MGAT5: variants seen among roughly 807,000 people sequenced by gnomAD.
MGAT5 encodes the protein alpha-1,6-mannosylglycoprotein 6-beta-N-acetylglucosaminyltransferase A.
In MGAT5, 30 loss-of-function variants were observed where a neutral mutation model predicts 94.3. The observed-to-expected ratio is 0.32, with a 90% CI of 0.24 to 0.43. The LOEUF (loss-of-function observed/expected upper bound fraction) is 0.43, where lower values mean the gene tolerates loss of function less well. Among genes scored for constraint, MGAT5 ranks in the 20% least tolerant of loss-of-function variants. The pLI is 1.00. For synonymous variants in MGAT5, 310 were observed against 322.9 expected (o/e 0.96, Z 0.43); for missense variants, 691 against 905.5 (o/e 0.76, Z 3.04).
intron 8 of MGAT5, 45 bp from the exon 9 acceptor site, chr2:134,349,760 T>C (rs1679252954): frequency 6.2e-7 from 1 of 1,603,236 alleles, no homozygotes. Flanking sequence ...TTTTCAACTT[T>C]GGGGGCAAGT....
chr2:134,402,997 A>T lies in MGAT5; in HGVS notation c.1390A>T (p.Ile464Phe), dbSNP rs1300513978. ...TTGTTTTCTTCTTTAGAATAAGAAG[A>T]TCTACTTGGACATTATTCACACATA... is the stretch of plus-strand genomic sequence containing the variant. ...KVDSFWKNKK[I>F]YLDIIHTYME... The change falls in exon 11 of 16, where the codon ATC becomes TTC. Residue 464 changes from isoleucine to phenylalanine, a missense_variant. Physicochemically the swap from Ile to Phe is conservative, Grantham distance 21 (BLOSUM62 0). Around this residue, in one of 4 missense-constraint regions of MGAT5, gnomAD observed 260 missense variants for 347.0 expected, o/e 0.75. Coordinates refer to ENST00000281923, the MANE Select transcript of MGAT5 (RefSeq NM_002410.5). 1 of 1,589,998 alleles carries T rather than the reference A, an allele frequency of 6.3e-7. No individual in the cohort carries two copies. The highest frequency in any genetic ancestry group is 1.2e-5 in the South Asian group (1 of 86,178).
At chr2:134,371,222 G>C (rs1048444409) in intron 10 of MGAT5, among the ~76,000 whole-genome samples, 1 of 152,178 alleles carries the variant, frequency 6.6e-6, no homozygotes, top group Non-Finnish European at 1.5e-5. Flanking sequence ...GAAGTCATTT[G>C]CCCTCTGGGT....
chr2:134,238,627 A>G (rs1287039306), intron 1 of MGAT5, among the ~76,000 whole-genome samples: 1 of 152,254 alleles, frequency 6.6e-6, no homozygotes, highest in Non-Finnish European at 1.5e-5. Flanking sequence ...GTTCTGAGAT[A>G]TATAAGGCTG....
intron 12 of MGAT5, among the ~76,000 whole-genome samples, chr2:134,421,324 C>T (rs1301670062): frequency 6.6e-6 from 1 of 152,162 alleles, no homozygotes; most frequent in East Asian, 1.9e-4. Context: ...GTGGTTCATG[C>T]CTGTAATCCT....
Position 134,334,496 on chromosome 2 carries a change from C to CTTTTTTTTTTTTTTTTTT in MGAT5, c.574-1715_574-1698dup, listed in dbSNP as rs59933611. 3.5e-4 allele frequency among the ~76,000 whole-genome samples: 12 copies of CTTTTTTTTTTTTTTTTTT among 34,108 alleles called. 4 individuals carry two copies. Among genetic ancestry groups the CTTTTTTTTTTTTTTTTTT allele is most frequent in the African/African-American group, 1.5e-3 (12 of 8,264 alleles). The allele number at this position is 34,108 out of a possible 152,430, so 22.4% of individuals were successfully genotyped here. ...CAAATCTCTACTTTCCTTGCTCATCCTTTTTTTTTTTTTTTTTTTTTTTGC... is the reference window on the plus strand; with the variant it reads ...CAAATCTCTACTTTCCTTGCTCATCCTTTTTTTTTTTTTTTTTTTTTTTTTTTTTTTTTTTTTTTTTGC... On this transcript the variant is annotated intron_variant, in intron 4 of 15. Transcript: ENST00000281923.
intron 1 of MGAT5, among the ~76,000 whole-genome samples, chr2:134,220,321 C>T (rs1389594245): frequency 1.3e-5 from 2 of 152,036 alleles, no homozygotes; most frequent in Non-Finnish European, 2.9e-5. Context: ...CCCATGTATC[C>T]CCCACCCCGA....
intron 2 of MGAT5, among the ~76,000 whole-genome samples, chr2:134,315,543 G>C (rs886178165): frequency 2.6e-5 from 4 of 152,242 alleles, no homozygotes; most frequent in African/African-American, 9.6e-5. Context: ...CAAAAACACA[G>C]AATGCTTTTC....
In MGAT5 at chr2:134,301,831, G is replaced by A. The variant is rs148143970; in HGVS notation, c.407-15698G>A. On this transcript the variant is annotated intron_variant, in intron 2 of 15. Coordinates refer to ENST00000281923, the MANE Select transcript of MGAT5 (RefSeq NM_002410.5). ...TACAAAGCAACACTCATGTCAGTTC[G>A]CTTTTGGTTTTGGCTTGATTTTGCC... is the stretch of plus-strand genomic sequence containing the variant. 4.4e-3 allele frequency among the ~76,000 whole-genome samples: 663 copies of A among 152,230 alleles called. 4 individuals carry two copies. The highest frequency in any genetic ancestry group is 0.015 in the African/African-American group (621 of 41,556).
chr2:134,341,540 C>T lies in MGAT5; in HGVS notation c.808-50C>T, dbSNP rs758276056. 3 of 1,470,662 alleles carry T rather than the reference C, an allele frequency of 2.0e-6. No homozygotes were observed. In the South Asian group the frequency reaches 4.3e-5, roughly 21 times the overall value. The allele number at this position is 1,470,662 out of a possible 1,614,324, so 91.1% of individuals were successfully genotyped here. The stretch of plus-strand genomic sequence containing the variant: ...ATCATTTCTTGGCGCATTACTGTGC[C>T]TTTTGTATGTGGTTCAGTGTGAATC... On this transcript the variant is annotated intron_variant, in intron 6 of 15. Transcript: ENST00000281923.
chr2:134,288,477 G>A (rs577922509), intron 2 of MGAT5, among the ~76,000 whole-genome samples: 3 of 151,474 alleles, frequency 2.0e-5, no homozygotes, highest in African/African-American at 4.9e-5. Flanking sequence ...CAGAGACTAC[G>A]TGGACAGCAA....
At chr2:134,352,759 G>A (rs916720450) in intron 9 of MGAT5, among the ~76,000 whole-genome samples, 4 of 152,136 alleles carry the variant, frequency 2.6e-5, no homozygotes, top group African/African-American at 9.7e-5. Context: ...GCACATTCAT[G>A]TTCACTGCAG....
chr2:134,258,890 A>AT (rs1389441063), intron 1 of MGAT5, among the ~76,000 whole-genome samples: 1 of 152,220 alleles, frequency 6.6e-6, no homozygotes, highest in Non-Finnish European at 1.5e-5. Context: ...ACTGTGAGAC[A>AT]TGAGCAAAGT....
In MGAT5 at chr2:134,342,745, C is replaced by T. The variant is rs914685839; in HGVS notation, c.977+986C>T. Among the ~76,000 whole-genome samples, 4 of 147,634 alleles carry T rather than the reference C, an allele frequency of 2.7e-5. No homozygotes were observed. In the East Asian group the frequency reaches 6.0e-4, roughly 22 times the overall value. ...AAAAAAAAAAAAAAAAAATTGGATACACAACCTACAAAGTGGCTGCATTTA... is the reference window on the plus strand; with the variant it reads ...AAAAAAAAAAAAAAAAAATTGGATATACAACCTACAAAGTGGCTGCATTTA... On this transcript the variant is annotated intron_variant, in intron 7 of 15. Transcript: ENST00000281923.
At chr2:134,390,431 G>A (rs1682331833) in intron 10 of MGAT5, among the ~76,000 whole-genome samples, 2 of 152,156 alleles carry the variant, frequency 1.3e-5, no homozygotes, top group African/African-American at 4.8e-5. Flanking sequence ...GTATACATGT[G>A]CCATGTTGGT....
chr2:134,378,004 G>A (rs1216518559), intron 10 of MGAT5, among the ~76,000 whole-genome samples: 2 of 152,146 alleles, frequency 1.3e-5, no homozygotes, highest in Non-Finnish European at 2.9e-5. Context: ...CTTCAAACAC[G>A]TTGTTTCCTG....
chr2:134,250,417 G>C (rs968200653), upstream of MGAT5, among the ~76,000 whole-genome samples: 1 of 152,196 alleles, frequency 6.6e-6, no homozygotes, highest in African/African-American at 2.4e-5. Context: ...CTTGATCACT[G>C]TTAGTCTAGG....
In MGAT5 at chr2:134,268,789, G is replaced by T. The variant is rs1683862021; in HGVS notation, c.242-1597G>T. On this transcript the variant is annotated intron_variant, in intron 1 of 15. Coordinates refer to ENST00000281923, the MANE Select transcript of MGAT5 (RefSeq NM_002410.5). The surrounding 1 kb of genome is among the most constrained non-coding windows in gnomAD (Gnocchi z 4.1). ...ACCTCAAAGCTGAAGTGTTGTTCAT[G>T]TCCCTCTTTTACAGGTAAGGAAACA... 6.6e-6 allele frequency among the ~76,000 whole-genome samples: 1 copy of T among 152,170 alleles called. No individual in the cohort carries two copies. Among genetic ancestry groups the T allele is most frequent in the Non-Finnish European group, 1.5e-5 (1 of 68,030 alleles).
chr2:134,171,235 C>T (rs1306636770), intron 1 of MGAT5, among the ~76,000 whole-genome samples: 1 of 152,096 alleles, frequency 6.6e-6, no homozygotes, highest in Non-Finnish European at 1.5e-5. Flanking sequence ...TACAAGGAAT[C>T]TATTTGAAAA....
At chr2:134,436,805 A>T (rs781387159) in intron 14 of MGAT5, among the ~76,000 whole-genome samples, 7 of 152,110 alleles carry the variant, frequency 4.6e-5, no homozygotes, top group Non-Finnish European at 8.8e-5. Flanking sequence ...ATGTCTTACT[A>T]TCTGTTAGCC....
Sources: allele counts gnomAD v4.1 joint callset (sites outside exome capture counted in the v4.1 genomes callset), GRCh38; gene constraint gnomAD v4.1.1; regional missense constraint gnomAD v4.1.1; non-coding constraint Gnocchi (gnomAD v3.1); transcripts MANE v1.5; gene names NCBI Gene and HGNC (gene_info 2026-07-23, HGNC 2026-07-21).